GLIS1: variants seen among roughly 807,000 people sequenced by gnomAD.
GLIS1 encodes zinc finger protein GLIS1.
In GLIS1, 24 loss-of-function variants were observed where a neutral mutation model predicts 63.8. The observed-to-expected ratio is 0.38, with a 90% CI of 0.27 to 0.53. The LOEUF is 0.53. Ranked by LOEUF, GLIS1 falls within the 20% of genes least tolerant of loss-of-function variation. The pLI, the probability that GLIS1 is intolerant of heterozygous loss-of-function variation, is 0.85. For missense variants in GLIS1, 1,036 were observed against 1,074.1 expected, an observed-to-expected ratio of 0.96 and a Z score of 0.50; for synonymous variants, 450 against 482.5, an observed-to-expected ratio of 0.93 and a Z score of 0.88.
chr1:53,563,980 G>A (rs1263484714), intron 4 of GLIS1, among the ~76,000 whole-genome samples: 1 of 152,202 alleles, frequency 6.6e-6, no homozygotes, highest in Admixed American at 6.5e-5. Context: ...GAAAGAAAGA[G>A]CACCTTACTC....
intron 4 of GLIS1, among the ~76,000 whole-genome samples, chr1:53,593,902 G>A (rs1198004905): frequency 3.9e-5 from 6 of 152,218 alleles, no homozygotes; most frequent in African/African-American, 1.4e-4. Context: ...GAGTATGAGG[G>A]CCCCTCTGCC....
chr1:53,563,772 T>C (rs1190478688), intron 4 of GLIS1, among the ~76,000 whole-genome samples: 1 of 152,086 alleles, frequency 6.6e-6, no homozygotes, highest in East Asian at 1.9e-4. Flanking sequence ...ATTCAGACTA[T>C]CACAGAAGTA....
At chr1:53,532,329 T>A (rs1644539749) in intron 4 of GLIS1, among the ~76,000 whole-genome samples, 1 of 152,114 alleles carries the variant, frequency 6.6e-6, no homozygotes, top group Admixed American at 6.5e-5. Context: ...AGGGCAGAGC[T>A]GCTCAGACAG....
chr1:53,735,949 C>G (rs1401852042), intron 2 of GLIS1, among the ~76,000 whole-genome samples: 1 of 152,184 alleles, frequency 6.6e-6, no homozygotes, highest in Non-Finnish European at 1.5e-5. Context: ...TGAGCCTTCC[C>G]TTTCTCCCTA....
rs974613010 is a variant in GLIS1, at chr1:53,738,095, C to T, written c.-31G>A. On this transcript the variant is annotated 5_prime_UTR_variant, in exon 2 of 11. Coordinates refer to ENST00000628545, the MANE Select transcript of GLIS1 (RefSeq NM_001367484.1). Reference sequence around the variant, plus strand: ...CGGGGCGGGGCGCACGGCTGGGGGTCGCGCCGGGCTCCTGGGGAGGGGAGA... The same window carrying T: ...CGGGGCGGGGCGCACGGCTGGGGGTTGCGCCGGGCTCCTGGGGAGGGGAGA... 2.6e-5 allele frequency: 32 copies of T among 1,228,520 alleles called. No individual in the cohort carries two copies. The South Asian group carries it at 1.2e-3, about 44-fold the overall frequency. The allele number at this position is 1,228,520 out of a possible 1,614,324, so 76.1% of individuals were successfully genotyped here.
At chr1:53,603,723 T>C (rs1389531002) in intron 2 of GLIS1, among the ~76,000 whole-genome samples, 1 of 152,244 alleles carries the variant, frequency 6.6e-6, no homozygotes, top group Non-Finnish European at 1.5e-5. Context: ...CCCGCAACCA[T>C]GTCTCACTCT....
At chr1:53,620,931 A>G (rs1380421459) in intron 2 of GLIS1, among the ~76,000 whole-genome samples, 1 of 152,220 alleles carries the variant, frequency 6.6e-6, no homozygotes, top group Non-Finnish European at 1.5e-5. Context: ...AATAAGGCCC[A>G]TAGAAATGGT....
At chr1:53,687,584 T>A (rs754830258) in intron 2 of GLIS1, among the ~76,000 whole-genome samples, 5 of 152,136 alleles carry the variant, frequency 3.3e-5, no homozygotes, top group Non-Finnish European at 4.4e-5. Context: ...TTCTGTGCGT[T>A]CTCTTCCCCA....
intron 2 of GLIS1, among the ~76,000 whole-genome samples, chr1:53,625,142 G>T (rs958018117): frequency 6.6e-6 from 1 of 152,202 alleles, no homozygotes; most frequent in Admixed American, 6.5e-5. Context: ...GGCTTCATTA[G>T]TATTGACCTC....
chr1:53,585,525 G>T (rs765046231), intron 4 of GLIS1, among the ~76,000 whole-genome samples: 2 of 151,340 alleles, frequency 1.3e-5, no homozygotes, highest in Admixed American at 6.6e-5. Context: ...AAGTAGAAAT[G>T]GGGGATGGGG....
At chr1:53,595,387 G>C (rs1645244987) in intron 3 of GLIS1, among the ~76,000 whole-genome samples, 1 of 152,158 alleles carries the variant, frequency 6.6e-6, no homozygotes, top group Admixed American at 6.5e-5. Flanking sequence ...AGGTGTGGTG[G>C]TGTGCACCTG....
chr1:53,645,226 A>G (rs1645831136), intron 2 of GLIS1, among the ~76,000 whole-genome samples: 1 of 152,120 alleles, frequency 6.6e-6, no homozygotes, highest in African/African-American at 2.4e-5. Flanking sequence ...TGATTCACAC[A>G]TTGCATGAAC....
At chr1:53,714,822 C>A (rs1281823321) in intron 2 of GLIS1, among the ~76,000 whole-genome samples, 2 of 152,262 alleles carry the variant, frequency 1.3e-5, no homozygotes, top group Middle Eastern at 3.2e-3. Context: ...GCCCACTGTG[C>A]AGCAAGCACT....
chr1:53,685,941 T>C (rs1394918919), intron 2 of GLIS1, among the ~76,000 whole-genome samples: 3 of 151,916 alleles, frequency 2.0e-5, no homozygotes, highest in Middle Eastern at 3.4e-3. Context: ...CACCTCAGAT[T>C]CTCCCCACTC....
intron 10 of GLIS1, among the ~76,000 whole-genome samples, 192 bp downstream of exon 10, chr1:53,508,928 C>A (rs183351375): frequency 6.6e-6 from 1 of 152,374 alleles, no homozygotes; most frequent in Non-Finnish European, 1.5e-5. Context: ...CATGCACTTT[C>A]CAGTCAGGCA....
intron 2 of GLIS1, among the ~76,000 whole-genome samples, chr1:53,620,755 C>A (rs562552807): frequency 1.3e-5 from 2 of 152,172 alleles, no homozygotes; most frequent in African/African-American, 4.8e-5. Flanking sequence ...AATCCCGGAG[C>A]CAGGCTGGAG....
At chr1:53,586,627 C>T (rs1049237858) in intron 4 of GLIS1, among the ~76,000 whole-genome samples, 1 of 152,140 alleles carries the variant, frequency 6.6e-6, no homozygotes, top group Admixed American at 6.5e-5. Context: ...GTAAGAAAAC[C>T]GAGGCTTATA....
At chr1:53,530,002 C>A in intron 4 of GLIS1, 50 bp from the exon 5 acceptor site, 1 of 1,574,434 alleles carries the variant, frequency 6.4e-7, no homozygotes, top group Non-Finnish European at 8.6e-7. Flanking sequence ...GGCACCCCAA[C>A]CCTGCATGGA....
intron 4 of GLIS1, among the ~76,000 whole-genome samples, chr1:53,591,070 G>GCTATTTACTCTTCAATAGTAACT (rs1645189142): frequency 6.6e-6 from 1 of 152,174 alleles, no homozygotes; most frequent in Non-Finnish European, 1.5e-5. Context: ...TATTTTAGTG[G>GCTATTTACTCTTCAATAGTAACT]GCCATTTACT....
Sources: gnomAD v4.1 joint callset for allele counts (sites outside exome capture counted in the v4.1 genomes callset) on GRCh38, gnomAD v4.1.1 for gene constraint, MANE v1.5 for transcripts, NCBI Gene and HGNC (gene_info 2026-07-23, HGNC 2026-07-21) for gene names.